Variants in PPP2R2C observed in about 807,000 individuals in gnomAD.
PPP2R2C encodes protein phosphatase 2, regulatory subunit B, gamma.
In PPP2R2C, 10 loss-of-function variants were observed where a neutral mutation model predicts 45.3. That is an observed-to-expected ratio of 0.22 (90% CI 0.14 to 0.37). The LOEUF is 0.37. Among genes scored for constraint, PPP2R2C ranks in the 10% least tolerant of loss-of-function variants. PPP2R2C has a pLI of 1.00. For synonymous variants in PPP2R2C, 257 were observed against 245.4 expected, an observed-to-expected ratio of 1.05 and a Z score of -0.44; for missense variants, 308 against 619.7, an observed-to-expected ratio of 0.50 and a Z score of 5.34.
chr4:6,360,506 G>A (rs2109263727), intron 5 of PPP2R2C, among the ~76,000 whole-genome samples: 1 of 152,300 alleles, frequency 6.6e-6, no homozygotes, highest in Admixed American at 6.5e-5. Flanking sequence ...GATGGAGGAA[G>A]CTGTCGCCAT....
At position 6,458,864 on chromosome 4, in the gene PPP2R2C, G is replaced by C. The variant is rs375587788; in HGVS notation, c.70+13296C>G. Among the ~76,000 whole-genome samples the C allele has an allele frequency of 5.5e-4, 84 of 152,220 alleles. No homozygotes were observed. The South Asian group carries it at 0.017, about 32-fold the overall frequency. On this transcript the variant is annotated intron_variant, in intron 1 of 8. Coordinates refer to ENST00000382599, the MANE Select transcript of PPP2R2C (RefSeq NM_020416.4). ...TGGGTCACCTCTCATTGCTGGGGCT[G>C]GTTTCCCATGTCTGTCAGTTATAAG...
intron 1 of PPP2R2C, chr4:6,413,990 G>A: frequency 3.9e-6 from 6 of 1,535,154 alleles, no homozygotes; most frequent in Non-Finnish European, 5.2e-6. Flanking sequence ...CTACTGCCAT[G>A]TTGCCAGTCA....
At chr4:6,464,218 A>G (rs1458442137) in intron 1 of PPP2R2C, among the ~76,000 whole-genome samples, 1 of 152,246 alleles carries the variant, frequency 6.6e-6, no homozygotes, top group Admixed American at 6.5e-5. Context: ...TAAATGGTGA[A>G]TCATAATAAT....
At chr4:6,461,461 A>G (rs1721316048) in intron 1 of PPP2R2C, among the ~76,000 whole-genome samples, 2 of 152,306 alleles carry the variant, frequency 1.3e-5, no homozygotes, top group South Asian at 2.1e-4. Flanking sequence ...GCTCTGGCCA[A>G]TGGAATGTGA....
At chr4:6,407,433 C>T (rs1455686728) in intron 1 of PPP2R2C, among the ~76,000 whole-genome samples, 1 of 152,192 alleles carries the variant, frequency 6.6e-6, no homozygotes, top group East Asian at 1.9e-4. Context: ...TCTCACTCTG[C>T]TGCCCAGGCT....
At chr4:6,488,726 C>T (rs1333090378) in intron 2 of PPP2R2C, among the ~76,000 whole-genome samples, 1 of 152,104 alleles carries the variant, frequency 6.6e-6, no homozygotes, top group Non-Finnish European at 1.5e-5. Context: ...AAAAGTTTTG[C>T]TTTGATGATT....
rs557442710 is a variant in PPP2R2C at position 6,331,094 on chromosome 4, T to C, written c.961-1741A>G. Among the ~76,000 whole-genome samples the C allele has an allele frequency of 5.3e-5, 8 of 152,180 alleles. No homozygotes were observed. Among genetic ancestry groups the C allele is most frequent in the African/African-American group, 1.9e-4 (8 of 41,530 alleles). On this transcript the variant is annotated intron_variant, in intron 7 of 8. Coordinates refer to ENST00000382599, the MANE Select transcript of PPP2R2C (RefSeq NM_020416.4). This position sits in a 1 kb window ranked among gnomAD's most constrained non-coding sequence, Gnocchi z 5.9. ...TCAAGGGGGATGAATGGCAGCAGGT[T>C]TTAGTGTTCGTGTCCCACCCCCGGC... is the stretch of plus-strand genomic sequence containing the variant.
intron 8 of PPP2R2C, among the ~76,000 whole-genome samples, chr4:6,325,124 C>T (rs1182851619): frequency 6.6e-6 from 1 of 152,164 alleles, no homozygotes; most frequent in Non-Finnish European, 1.5e-5. Context: ...CTGGCCAGTC[C>T]GCCTGGGTCC....
At position 6,554,945 on chromosome 4, in the gene PPP2R2C, A is replaced by AAG. The variant is rs1491071835; in HGVS notation, c.-59+8613_-59+8614dup. Among the ~76,000 whole-genome samples the AAG allele has an allele frequency of 2.1e-4, 29 of 137,934 alleles. No individual in the cohort carries two copies. The South Asian group carries it at 4.0e-3, about 19-fold the overall frequency. The allele number at this position is 137,934 out of a possible 152,430, so 90.5% of individuals were successfully genotyped here. On this transcript the variant is annotated intron_variant, in intron 1 of 9. Transcript: ENST00000506140. ...AAGGAAGGAAGGAAAGAAAGAAAGAAAGAAAGAAAGAAAGAAAGAAAGAGA... is the reference window on the plus strand; with the variant it reads ...AAGGAAGGAAGGAAAGAAAGAAAGAAAGAGAAAGAAAGAAAGAAAGAAAGAGA...
At chr4:6,531,148 C>T (rs1246932241) in intron 2 of PPP2R2C, among the ~76,000 whole-genome samples, 1 of 152,208 alleles carries the variant, frequency 6.6e-6, no homozygotes, top group Admixed American at 6.5e-5. Context: ...CACAGTGTCA[C>T]CAAGGAGGCT....
chr4:6,401,331 G>A (rs893597656), intron 1 of PPP2R2C, among the ~76,000 whole-genome samples: 5 of 152,054 alleles, frequency 3.3e-5, no homozygotes, highest in African/African-American at 9.7e-5. Flanking sequence ...AGCTGTTTCC[G>A]AGTATTGTCA....
chr4:6,468,489 G>C (rs1376465116), intron 1 of PPP2R2C, among the ~76,000 whole-genome samples: 1 of 152,160 alleles, frequency 6.6e-6, no homozygotes, highest in Non-Finnish European at 1.5e-5. Flanking sequence ...GTGTGTGATG[G>C]CTGAGATGCT....
chr4:6,458,294 G>A (rs1721147163), intron 1 of PPP2R2C, among the ~76,000 whole-genome samples: 1 of 152,158 alleles, frequency 6.6e-6, no homozygotes, highest in African/African-American at 2.4e-5. Flanking sequence ...AGACCGGGTG[G>A]CTTATAAACA....
At chr4:6,554,942 A>G (rs71599897) in intron 1 of PPP2R2C, among the ~76,000 whole-genome samples, 26,563 of 100,160 alleles carry the variant, frequency 0.27, 3,415 homozygotes, top group East Asian at 0.46. Context: ...AAAGAAAGAA[A>G]GAAAGAAAGA....
intron 1 of PPP2R2C, among the ~76,000 whole-genome samples, chr4:6,403,305 A>G (rs1717556650): frequency 6.6e-6 from 1 of 152,210 alleles, no homozygotes; most frequent in African/African-American, 2.4e-5. Context: ...CTGGGAGCGG[A>G]GCGGAGCCCC....
At chr4:6,536,838 T>C (rs67296860) in intron 1 of PPP2R2C, among the ~76,000 whole-genome samples, 24,910 of 152,224 alleles carry the variant, frequency 0.16, 2,626 homozygotes, top group East Asian at 0.53. Flanking sequence ...AAATAAGACA[T>C]GGCCATCTAT....
At chr4:6,423,605 C>G (rs187876200) in intron 1 of PPP2R2C, among the ~76,000 whole-genome samples, 1 of 152,112 alleles carries the variant, frequency 6.6e-6, no homozygotes, top group South Asian at 2.1e-4. Flanking sequence ...TAAACAGACC[C>G]AAAAAATAAT....
chr4:6,335,720 C>T (rs1281704776), intron 6 of PPP2R2C, among the ~76,000 whole-genome samples: 1 of 151,478 alleles, frequency 6.6e-6, no homozygotes, highest in Admixed American at 6.6e-5. Flanking sequence ...TCCCAGGCCA[C>T]TGCATGCAGG....
In PPP2R2C at chr4:6,364,908, A is replaced by G. The variant is rs1714146160; in HGVS notation, c.625+7615T>C. Among the ~76,000 whole-genome samples, 1 of 152,204 alleles carries G rather than the reference A, an allele frequency of 6.6e-6. No homozygotes were observed. The stretch of plus-strand genomic sequence containing the variant: ...GGATCACAGGACTCATCGAGGCTTG[A>G]GCAAGAAGAAGACTATCTTTTTGCT... On this transcript the variant is annotated intron_variant, in intron 5 of 8. Coordinates refer to ENST00000382599, the MANE Select transcript of PPP2R2C (RefSeq NM_020416.4). This position sits in a 1 kb window ranked among gnomAD's most constrained non-coding sequence, Gnocchi z 5.3.
Sources: gnomAD v4.1 joint callset for allele counts (sites outside exome capture counted in the v4.1 genomes callset) on GRCh38, gnomAD v4.1.1 for gene constraint, Gnocchi (gnomAD v3.1) non-coding constraint, MANE v1.5 for transcripts, NCBI Gene and HGNC (gene_info 2026-07-23, HGNC 2026-07-21) for gene names.